ATF7: variants seen among roughly 807,000 people sequenced by gnomAD.
The protein encoded by ATF7 is cyclic AMP-dependent transcription factor ATF-7.
ATF7 carries 10 observed loss-of-function variants against 50.4 expected under a neutral mutation model. That is an observed-to-expected ratio of 0.20 (90% CI 0.12 to 0.34). ATF7 has a LOEUF of 0.34. Among genes scored for constraint, ATF7 ranks in the 10% least tolerant of loss-of-function variants. The pLI is 1.00. For missense variants in ATF7, 465 were observed against 613.9 expected (o/e 0.76, Z 2.56); for synonymous variants, 201 against 226.4 (o/e 0.89, Z 1.01).
intron 3 of ATF7, among the ~76,000 whole-genome samples, chr12:53,551,337 T>G (rs900877696): frequency 2.6e-5 from 4 of 152,186 alleles, no homozygotes; most frequent in Admixed American, 2.6e-4. Flanking sequence ...TTTTTAAACA[T>G]TTTTTGTAGA....
At chr12:53,543,153 C>A in intron 4 of ATF7, 177 bp downstream of exon 4, 1 of 1,496,484 alleles carries the variant, frequency 6.7e-7, no homozygotes. Flanking sequence ...TCATCTGGAA[C>A]TCCTAAAGAC....
intron 1 of ATF7, among the ~76,000 whole-genome samples, chr12:53,612,772 G>A (rs1943946235): frequency 6.6e-6 from 1 of 152,230 alleles, no homozygotes; most frequent in Non-Finnish European, 1.5e-5. Flanking sequence ...GGGAGGCTGA[G>A]GTGGGCAGAT....
At position 53,523,381 on chromosome 12, in the gene ATF7, C is replaced by T; in HGVS notation, c.1129G>A (p.Glu377Lys). The change falls in exon 11 of 12, where the codon GAA becomes AAA. Residue 377 changes from glutamate to lysine, a missense_variant. Glu to Lys is a moderately conservative substitution (Grantham distance 56). Transcript: ENST00000420353. ...ACCTCATTGCGTAGTAATGTGACTT[C>T]ATTCTGAGGAGGGAGGGAAGAAAAG... ...LTSQNIQLSNEVTLLRNEVAQ... is the reference protein window; with the variant it reads ...LTSQNIQLSNKVTLLRNEVAQ... The T allele has an allele frequency of 6.2e-7, 1 of 1,609,796 alleles. No homozygotes were observed. Among genetic ancestry groups the T allele is most frequent in the Non-Finnish European group, 8.5e-7 (1 of 1,176,166 alleles).
At chr12:53,526,653 C>T (rs1317102272) in intron 9 of ATF7, among the ~76,000 whole-genome samples, 1 of 151,784 alleles carries the variant, frequency 6.6e-6, no homozygotes, top group Non-Finnish European at 1.5e-5. Flanking sequence ...GAGTTCGAGA[C>T]CAGCCTGGCC....
intron 2 of ATF7, among the ~76,000 whole-genome samples, chr12:53,569,697 T>C (rs976919113): frequency 6.6e-6 from 1 of 151,488 alleles, no homozygotes; most frequent in Non-Finnish European, 1.5e-5. Context: ...TTTTTTGAGA[T>C]GGAGTCTCGC....
At position 53,546,549 on chromosome 12, in the gene ATF7, C is replaced by T. The variant is rs987658837; in HGVS notation, c.146-3101G>A. On this transcript the variant is annotated intron_variant, in intron 3 of 11. Coordinates refer to ENST00000420353, the MANE Select transcript of ATF7 (RefSeq NM_006856.3). ...CTGCAACCTCCACCTCCCAGGATCA[C>T]GTGATTCTCCTGCCTCAGCCTCCCG... is the stretch of plus-strand genomic sequence containing the variant. Among the ~76,000 whole-genome samples, 6 of 150,242 alleles carry T rather than the reference C, an allele frequency of 4.0e-5. No homozygotes were observed. The East Asian group carries it at 1.2e-3, about 30-fold the overall frequency.
At chr12:53,544,371 T>C (rs1243194954) in intron 3 of ATF7, among the ~76,000 whole-genome samples, 3 of 152,224 alleles carry the variant, frequency 2.0e-5, no homozygotes, top group African/African-American at 7.2e-5. Context: ...ATTCATCTCA[T>C]ACCCCAAACC....
chr12:53,544,366 T>C (rs934600583), intron 3 of ATF7, among the ~76,000 whole-genome samples: 1 of 152,216 alleles, frequency 6.6e-6, no homozygotes, highest in Admixed American at 6.5e-5. Flanking sequence ...CAGGGATTCA[T>C]CTCATACCCC....
At chr12:53,526,482 T>A (rs1938480670) in intron 9 of ATF7, among the ~76,000 whole-genome samples, 1 of 152,220 alleles carries the variant, frequency 6.6e-6, no homozygotes, top group Admixed American at 6.5e-5. Context: ...ATACAGTAGA[T>A]AATACATATA....
intron 11 of ATF7, among the ~76,000 whole-genome samples, chr12:53,520,348 G>A (rs1198361547): frequency 1.3e-5 from 2 of 152,024 alleles, no homozygotes; most frequent in Non-Finnish European, 2.9e-5. Context: ...AGGCCAAGGC[G>A]GGCAGATCCC....
intron 2 of ATF7, among the ~76,000 whole-genome samples, chr12:53,554,165 C>T (rs1221017337): frequency 1.3e-5 from 2 of 152,182 alleles, no homozygotes; most frequent in Non-Finnish European, 2.9e-5. Context: ...GAGTCTTGCT[C>T]TGTCGCCCAG....
intron 2 of ATF7, among the ~76,000 whole-genome samples, chr12:53,554,669 C>T (rs1468696099): frequency 6.6e-6 from 1 of 151,078 alleles, no homozygotes; most frequent in Non-Finnish European, 1.5e-5. Flanking sequence ...TCGAGGCCAG[C>T]ATGACCAACA....
At chr12:53,565,494 G>A (rs867912486) in intron 2 of ATF7, among the ~76,000 whole-genome samples, 7 of 146,584 alleles carry the variant, frequency 4.8e-5, no homozygotes, top group Non-Finnish European at 9.0e-5. Flanking sequence ...GGGCGGGGGC[G>A]GGGGGGAGGG....
intron 1 of ATF7, among the ~76,000 whole-genome samples, chr12:53,624,015 T>C (rs534322516): frequency 5.3e-5 from 8 of 152,306 alleles, no homozygotes. Flanking sequence ...TCACTCTAGC[T>C]TTCTGCTAGA....
At chr12:53,596,847 T>C (rs66654997) in intron 2 of ATF7, among the ~76,000 whole-genome samples, 16,941 of 152,254 alleles carry the variant, frequency 0.11, 1,058 homozygotes, top group Admixed American at 0.19. Context: ...AGCTGTTTTA[T>C]AGTCACAATG....
At chr12:53,561,626 A>C (rs180994995) in intron 2 of ATF7, among the ~76,000 whole-genome samples, 59 of 152,286 alleles carry the variant, frequency 3.9e-4, no homozygotes, top group Non-Finnish European at 5.7e-4. Flanking sequence ...AAATACACAC[A>C]TACTTCAAAC....
chr12:53,578,634 A>G (rs1038790316), intron 2 of ATF7, among the ~76,000 whole-genome samples: 2 of 151,830 alleles, frequency 1.3e-5, no homozygotes, highest in South Asian at 4.2e-4. Context: ...ATAAAAATAA[A>G]TTAGCTGGGC....
At chr12:53,622,262 A>G (rs1944410530) in intron 1 of ATF7, among the ~76,000 whole-genome samples, 1 of 151,922 alleles carries the variant, frequency 6.6e-6, no homozygotes, top group Non-Finnish European at 1.5e-5. Context: ...AGATCGCACC[A>G]CTGCACTCCA....
chr12:53,571,619 C>T (rs1941767033), intron 2 of ATF7, among the ~76,000 whole-genome samples: 1 of 147,486 alleles, frequency 6.8e-6, no homozygotes, highest in Non-Finnish European at 1.5e-5. Flanking sequence ...CTGGGCAACA[C>T]AGTGAGACTC....
Sources: gnomAD v4.1 joint callset for allele counts (sites outside exome capture counted in the v4.1 genomes callset) on GRCh38, gnomAD v4.1.1 for gene constraint, MANE v1.5 for transcripts, NCBI Gene and HGNC (gene_info 2026-07-23, HGNC 2026-07-21) for gene names.